CDC73: variants seen among roughly 807,000 people sequenced by gnomAD.
CDC73 encodes the protein cell division cycle 73.
A neutral mutation model predicts 83.7 loss-of-function variants in CDC73; 21 were observed. The ratio of observed to expected loss-of-function variants is 0.25; its 90% CI spans 0.18 to 0.36. The LOEUF (loss-of-function observed/expected upper bound fraction) is 0.36. Among genes scored for constraint, CDC73 ranks in the 10% least tolerant of loss-of-function variants. CDC73 has a pLI of 1.00. For missense variants in CDC73, 342 were observed against 653.3 expected, an observed-to-expected ratio of 0.52 and a Z score of 5.19; for synonymous variants, 224 against 212.9, an observed-to-expected ratio of 1.05 and a Z score of -0.45.
At chr1:193,244,602 T>A (rs975156086) in intron 15 of CDC73, among the ~76,000 whole-genome samples, 5 of 152,160 alleles carry the variant, frequency 3.3e-5, no homozygotes, top group Non-Finnish European at 7.4e-5. Context: ...TTTTTAACAT[T>A]TTTTAAAAAA....
rs1675915856 is a variant in CDC73, at chr1:193,142,071, T to G, written c.729+5T>G. 6.3e-7 allele frequency: 1 copy of G among 1,599,540 alleles called. No individual in the cohort carries two copies. The highest frequency in any genetic ancestry group is 1.3e-5 in the African/African-American group (1 of 74,554). On this transcript the variant is annotated splice_donor_5th_base_variant and intron_variant, in intron 7 of 16. Coordinates refer to ENST00000367435, the MANE Select transcript of CDC73 (RefSeq NM_024529.5). ...ATCTTACAAAGCACAGGAAAGGTAA[T>G]TAAAATATTTTACTCATTCATTGGA...
At chr1:193,161,100 C>T (rs141017639) in intron 10 of CDC73, 83 of 173,296 alleles carry the variant, frequency 4.8e-4, no homozygotes, top group Non-Finnish European at 8.4e-4. Context: ...ATCTTTAATT[C>T]TAAGTTTTGG....
In CDC73 at chr1:193,203,896, G is replaced by A. The variant is rs74920792; in HGVS notation, c.1030+44G>A. On this transcript the variant is annotated intron_variant, in intron 11 of 16. Coordinates refer to ENST00000367435, the MANE Select transcript of CDC73 (RefSeq NM_024529.5). ...GCTTTTTGTTTTCTTTCAAAAGATC[G>A]TAACAGTGCAAGTTTTTAGTATGCG... is the stretch of plus-strand genomic sequence containing the variant. The A allele has an allele frequency of 1.5e-3, 2,224 of 1,526,752 alleles. 50 individuals carry two copies. The East Asian group carries it at 0.042, about 29-fold the overall frequency. The allele number at this position is 1,526,752 out of a possible 1,614,324, so 94.6% of individuals were successfully genotyped here.
At position 193,162,240 on chromosome 1, in the gene CDC73, A is replaced by T. The variant is rs1676343615; in HGVS notation, c.972+9796A>T. Among the ~76,000 whole-genome samples the T allele has an allele frequency of 9.8e-5, 12 of 122,958 alleles. 2 individuals carry two copies. In the South Asian group the frequency reaches 2.4e-3, roughly 25 times the overall value. 80.7% of individuals were successfully genotyped at this position (122,958 alleles called of 152,430 possible). Reference sequence around the variant, plus strand: ...ATATATTATCTATTATATTGTATATAATATATAATAAATATAGTATATATA... The same window carrying T: ...ATATATTATCTATTATATTGTATATTATATATAATAAATATAGTATATATA... On this transcript the variant is annotated intron_variant, in intron 10 of 16. Coordinates refer to ENST00000367435, the MANE Select transcript of CDC73 (RefSeq NM_024529.5).
rs74130943 is a variant in CDC73, at chr1:193,254,498, T to C, written c.*3786T>C. The stretch of plus-strand genomic sequence containing the variant: ...TTGGAGTGGGAATTTTGAAATGCCA[T>C]GTCCTATATATTCTGGCATATTTGT... On this transcript the variant is annotated 3_prime_UTR_variant, in exon 17 of 17. Transcript: ENST00000367435. Among the ~76,000 whole-genome samples, 343 of 152,216 alleles carry C rather than the reference T, an allele frequency of 2.3e-3. 2 individuals are homozygous for C. The highest frequency in any genetic ancestry group is 3.9e-3 in the Non-Finnish European group (262 of 67,980).
At position 193,253,590 on chromosome 1, in the gene CDC73, TG is replaced by T. The variant is rs1249785939; in HGVS notation, c.*2879del. On this transcript the variant is annotated 3_prime_UTR_variant, in exon 17 of 17. Transcript: ENST00000367435. ...TTCATTATTAACTAGTATTATAGTT[TG>T]TTTTTTTCCCATGTCTCCATAACTT... 4.3e-6 allele frequency: 1 copy of T among 231,898 alleles called. No homozygotes were observed. The highest frequency in any genetic ancestry group is 2.2e-5 in the African/African-American group (1 of 45,288). The allele number at this position is 231,898 out of a possible 1,614,324, so 14.4% of individuals were successfully genotyped here.
At position 193,250,751 on chromosome 1, in the gene CDC73, G is replaced by A. The variant is rs1374057644; in HGVS notation, c.*39G>A. On this transcript the variant is annotated 3_prime_UTR_variant, in exon 17 of 17. Coordinates refer to ENST00000367435, the MANE Select transcript of CDC73 (RefSeq NM_024529.5). ...TCCATTTCTGGAAATTGAGACTCAA[G>A]CTTTATGAATTTATCAAGAACTTAA... 6.5e-7 allele frequency: 1 copy of A among 1,544,932 alleles called. No homozygotes were observed. The highest frequency in any genetic ancestry group is 8.9e-7 in the Non-Finnish European group (1 of 1,118,028).
In CDC73 at chr1:193,250,824, C is replaced by A; in HGVS notation, c.*112C>A. ...ATCTTTTATAAGACCTTATTTGATG[C>A]TTTGTGCTTCAAGGAGATGATACCT... On this transcript the variant is annotated 3_prime_UTR_variant, in exon 17 of 17. Transcript: ENST00000367435. 1 of 983,924 alleles carries A rather than the reference C, an allele frequency of 1.0e-6. No individual in the cohort carries two copies. The highest frequency in any genetic ancestry group is 1.6e-6 in the Non-Finnish European group (1 of 622,702). 60.9% of individuals were successfully genotyped at this position (983,924 alleles called of 1,614,324 possible). A position where few individuals can be genotyped will look rare whatever the true frequency, so the allele number is the denominator to read the frequency against.
intron 15 of CDC73, among the ~76,000 whole-genome samples, chr1:193,238,486 C>T (rs1386991930): frequency 3.3e-5 from 5 of 152,142 alleles, no homozygotes; most frequent in African/African-American, 1.2e-4. Context: ...TCTGTTGACT[C>T]CTTTACTCCT....
intron 13 of CDC73, among the ~76,000 whole-genome samples, chr1:193,225,563 A>G (rs143054753): frequency 1.7e-4 from 26 of 152,242 alleles, no homozygotes; most frequent in African/African-American, 6.0e-4. Context: ...ATCAATGCCA[A>G]CATCTATTGT....
chr1:193,158,764 T>A (rs1167197846), intron 10 of CDC73, among the ~76,000 whole-genome samples: 5 of 152,134 alleles, frequency 3.3e-5, no homozygotes, highest in Non-Finnish European at 7.4e-5. Flanking sequence ...GTGTACCCCT[T>A]AAATGAAACA....
In CDC73 at chr1:193,253,184, T is replaced by G. The variant is rs1363733740; in HGVS notation, c.*2472T>G. 1 of 232,362 alleles carries G rather than the reference T, an allele frequency of 4.3e-6. No homozygotes were observed. 14.4% of individuals were successfully genotyped at this position (232,362 alleles called of 1,614,324 possible). On this transcript the variant is annotated 3_prime_UTR_variant, in exon 17 of 17. Transcript: ENST00000367435. ...TCTCAACCCTGACTGCATTTTAGAA[T>G]CATTTGGAGAGTTTTTAAAAATATC...
chr1:193,136,419 A>T, intron 5 of CDC73: 1 of 231,618 alleles, frequency 4.3e-6, no homozygotes, highest in South Asian at 4.1e-5. Flanking sequence ...TTTTTAAGAG[A>T]TAATGATGAT....
At chr1:193,164,946 A>T (rs1676410794) in intron 10 of CDC73, among the ~76,000 whole-genome samples, 1 of 152,248 alleles carries the variant, frequency 6.6e-6, no homozygotes, top group African/African-American at 2.4e-5. Context: ...GTGAGGAGCG[A>T]TAGACTGACC....
At chr1:193,157,323 G>C (rs948819585) in intron 10 of CDC73, among the ~76,000 whole-genome samples, 12 of 152,186 alleles carry the variant, frequency 7.9e-5, no homozygotes, top group African/African-American at 2.7e-4. Flanking sequence ...TTTATGAACA[G>C]TCAGGAAGAA....
intron 10 of CDC73, chr1:193,180,465 G>A: frequency 6.2e-7 from 1 of 1,614,068 alleles, no homozygotes; most frequent in East Asian, 2.2e-5. Flanking sequence ...AGACTCGCCA[G>A]TGATTGAACA....
chr1:193,195,099 G>C (rs1420008631), intron 10 of CDC73, among the ~76,000 whole-genome samples: 1 of 152,124 alleles, frequency 6.6e-6, no homozygotes, highest in Admixed American at 6.5e-5. Context: ...GTGTCAGCCA[G>C]CTGAGAGTGC....
intron 15 of CDC73, among the ~76,000 whole-genome samples, chr1:193,248,272 G>A (rs1162684124): frequency 6.6e-6 from 1 of 152,046 alleles, no homozygotes. Flanking sequence ...ACTGTTTACA[G>A]CAGGGTTCAG....
At chr1:193,224,214 G>GT (rs971593716) in intron 13 of CDC73, among the ~76,000 whole-genome samples, 30 of 148,974 alleles carry the variant, frequency 2.0e-4, no homozygotes, top group Non-Finnish European at 2.4e-4. Context: ...CTGTTTACTT[G>GT]TTTTTTTTTG....
Sources: allele counts gnomAD v4.1 joint callset (sites outside exome capture counted in the v4.1 genomes callset), GRCh38; gene constraint gnomAD v4.1.1; transcripts MANE v1.5; gene names NCBI Gene and HGNC (gene_info 2026-07-23, HGNC 2026-07-21).